The following LSAMP variants were observed in gnomAD, a reference collection of about 807,000 sequenced individuals.
LSAMP encodes the protein limbic system associated membrane protein.
In LSAMP, 7 loss-of-function variants were observed where a neutral mutation model predicts 38.6. The ratio of observed to expected loss-of-function variants is 0.18; its 90% CI spans 0.10 to 0.34. LSAMP has a LOEUF of 0.34. Ranked by LOEUF, LSAMP falls within the 10% of genes least tolerant of loss-of-function variation. LSAMP has a pLI of 1.00. For synonymous variants in LSAMP, 154 were observed against 166.8 expected, an observed-to-expected ratio of 0.92 and a Z score of 0.59; for missense variants, 313 against 420.0, an observed-to-expected ratio of 0.75 and a Z score of 2.23.
intron 2 of LSAMP, among the ~76,000 whole-genome samples, chr3:116,061,059 T>G (rs1941585869): frequency 6.6e-6 from 1 of 152,134 alleles, no homozygotes; most frequent in African/African-American, 2.4e-5. Context: ...TAGAATGGAA[T>G]CAGGGACTAG....
chr3:115,940,832 A>C (rs1937894403), intron 3 of LSAMP, among the ~76,000 whole-genome samples: 1 of 152,156 alleles, frequency 6.6e-6, no homozygotes, highest in African/African-American at 2.4e-5. Flanking sequence ...TTTGATTACT[A>C]TAGCTTCGTA....
At chr3:116,296,330 C>CTGTT (rs2047332350) in intron 1 of LSAMP, among the ~76,000 whole-genome samples, 1 of 152,114 alleles carries the variant, frequency 6.6e-6, no homozygotes, top group Admixed American at 6.5e-5. Flanking sequence ...CAGAACTATA[C>CTGTT]TGTTTGACCA....
At chr3:115,810,571 T>A (rs185500529) in intron 6 of LSAMP, among the ~76,000 whole-genome samples, 157 bp from the exon 7 acceptor site, 1 of 152,290 alleles carries the variant, frequency 6.6e-6, no homozygotes, top group Non-Finnish European at 1.5e-5. Flanking sequence ...GCTCAAAACT[T>A]TTCTAAATCC....
intron 1 of LSAMP, among the ~76,000 whole-genome samples, chr3:116,272,263 T>C (rs1026352295): frequency 2.6e-5 from 4 of 152,142 alleles, no homozygotes; most frequent in African/African-American, 9.7e-5. Context: ...TGTTTTATCA[T>C]GGGACTGAGA....
intron 3 of LSAMP, among the ~76,000 whole-genome samples, chr3:115,921,439 A>C (rs570276169): frequency 6.6e-6 from 1 of 152,176 alleles, no homozygotes; most frequent in South Asian, 2.1e-4. Flanking sequence ...AATTCTCCAT[A>C]CTTTCATTTC....
intron 1 of LSAMP, among the ~76,000 whole-genome samples, chr3:116,393,480 A>G (rs1171960129): frequency 6.6e-6 from 1 of 152,156 alleles, no homozygotes; most frequent in African/African-American, 2.4e-5. Context: ...GCTTGCTCAC[A>G]TACCCCTCAC....
chr3:116,008,804 C>T (rs998493228), intron 3 of LSAMP, among the ~76,000 whole-genome samples: 12 of 152,080 alleles, frequency 7.9e-5, no homozygotes, highest in South Asian at 4.2e-4. Context: ...TGCTATACTT[C>T]GAATACTAAG....
chr3:116,253,889 C>G (rs909673138), intron 1 of LSAMP, among the ~76,000 whole-genome samples: 2 of 152,106 alleles, frequency 1.3e-5, no homozygotes, highest in Non-Finnish European at 2.9e-5. Context: ...TCCAAATAAC[C>G]ATAGCATTTT....
At chr3:116,325,021 T>A (rs1054201140) in intron 1 of LSAMP, among the ~76,000 whole-genome samples, 1 of 151,878 alleles carries the variant, frequency 6.6e-6, no homozygotes, top group Non-Finnish European at 1.5e-5. Flanking sequence ...AAAATTTTTG[T>A]TTATGCTTCT....
At chr3:116,132,688 C>G (rs528766086) in intron 1 of LSAMP, among the ~76,000 whole-genome samples, 104 of 152,264 alleles carry the variant, frequency 6.8e-4, no homozygotes, top group Non-Finnish European at 1.2e-3. Context: ...TTAGTTCTCT[C>G]TCTTACATCT....
chr3:116,138,414 G>A (rs1709297611), intron 1 of LSAMP, among the ~76,000 whole-genome samples: 1 of 152,042 alleles, frequency 6.6e-6, no homozygotes, highest in African/African-American at 2.4e-5. Flanking sequence ...TAGGGAAATA[G>A]TAGAAATACA....
chr3:116,358,957 T>C (rs1317755692), intron 1 of LSAMP, among the ~76,000 whole-genome samples: 3 of 152,206 alleles, frequency 2.0e-5, no homozygotes. Flanking sequence ...TGCATTTAAA[T>C]GTGGGCCTAT....
At chr3:115,932,087 G>A (rs1445002925) in intron 3 of LSAMP, among the ~76,000 whole-genome samples, 4 of 152,112 alleles carry the variant, frequency 2.6e-5, no homozygotes, top group African/African-American at 4.8e-5. Flanking sequence ...AAAGTGTTAT[G>A]CCATGGTAGG....
chr3:116,149,090 C>T (rs1709553297), intron 1 of LSAMP, among the ~76,000 whole-genome samples: 2 of 151,900 alleles, frequency 1.3e-5, no homozygotes, highest in Admixed American at 1.3e-4. Flanking sequence ...TTACAGTTAG[C>T]GGTTTGAGTA....
At chr3:115,872,357 C>T (rs1258225633) in intron 3 of LSAMP, among the ~76,000 whole-genome samples, 3 of 152,252 alleles carry the variant, frequency 2.0e-5, no homozygotes, top group African/African-American at 7.2e-5. Flanking sequence ...GTCCTCTGGG[C>T]AGGTTTGGCT....
chr3:116,203,869 A>G (rs1172580096), intron 1 of LSAMP, among the ~76,000 whole-genome samples: 3 of 152,146 alleles, frequency 2.0e-5, no homozygotes, highest in South Asian at 4.1e-4. Flanking sequence ...ATACGTGTGC[A>G]TGTGTCTTTA....
chr3:115,913,811 G>A (rs944006486), intron 3 of LSAMP, among the ~76,000 whole-genome samples: 5 of 152,086 alleles, frequency 3.3e-5, no homozygotes, highest in Non-Finnish European at 5.9e-5. Flanking sequence ...TTTCATGCAT[G>A]TGTCCCAAGT....
Position 115,823,801 on chromosome 3 carries a change from A to G in LSAMP, c.920-13387T>C, listed in dbSNP as rs374041509. Among the ~76,000 whole-genome samples, 5 of 152,332 alleles carry G rather than the reference A, an allele frequency of 3.3e-5. No homozygotes were observed. In the South Asian group the frequency reaches 6.2e-4, roughly 19 times the overall value. On this transcript the variant is annotated intron_variant, in intron 6 of 6. Coordinates refer to ENST00000490035, the MANE Select transcript of LSAMP (RefSeq NM_002338.5). ...GCAAAAGAGAAGCTAAGATGGGTGAATCCTAATTTCCAAAGCAACATGGTC... is the reference window on the plus strand; with the variant it reads ...GCAAAAGAGAAGCTAAGATGGGTGAGTCCTAATTTCCAAAGCAACATGGTC...
chr3:116,427,416 G>A (rs1459775610), intron 1 of LSAMP, among the ~76,000 whole-genome samples: 1 of 152,038 alleles, frequency 6.6e-6, no homozygotes, highest in Non-Finnish European at 1.5e-5. Context: ...CACCGCGCCC[G>A]GCCCAAGACT....
Sources: gnomAD v4.1 joint callset for allele counts (sites outside exome capture counted in the v4.1 genomes callset) on GRCh38, gnomAD v4.1.1 for gene constraint, MANE v1.5 for transcripts, NCBI Gene and HGNC (gene_info 2026-07-23, HGNC 2026-07-21) for gene names.